The following RPS6KC1 variants were observed in gnomAD, a reference collection of about 807,000 sequenced individuals.
RPS6KC1 encodes inactive ribosomal protein S6 kinase delta-1.
RPS6KC1 carries 54 observed loss-of-function variants against 103.8 expected under a neutral mutation model. The observed-to-expected ratio is 0.52, with a 90% confidence interval of 0.42 to 0.65. RPS6KC1 has a LOEUF of 0.65. Ranked by LOEUF, RPS6KC1 falls within the 30% of genes least tolerant of loss-of-function variation. The pLI is 0.00. For synonymous variants in RPS6KC1, 439 were observed against 438.7 expected (o/e 1.00, Z -0.01); for missense variants, 1,151 against 1,253.8 (o/e 0.92, Z 1.24).
the RPS6KC1 span, among the ~76,000 whole-genome samples, chr1:213,718,106 C>T: frequency 6.6e-6 from 1 of 152,242 alleles, no homozygotes; most frequent in African/African-American, 2.4e-5. Context: ...CCCAGAGCCA[C>T]TGACCTTCAA....
At chr1:213,642,543 T>A in the RPS6KC1 span, among the ~76,000 whole-genome samples, 2 of 152,114 alleles carry the variant, frequency 1.3e-5, no homozygotes, top group Non-Finnish European at 2.9e-5. Flanking sequence ...CATTGTTTGC[T>A]TTTTTTCTTA....
At chr1:213,754,218 G>C in the RPS6KC1 span, among the ~76,000 whole-genome samples, 1 of 152,224 alleles carries the variant, frequency 6.6e-6, no homozygotes, top group Non-Finnish European at 1.5e-5. Flanking sequence ...TTGAGTTCTG[G>C]TGAGGGCTTG....
the RPS6KC1 span, among the ~76,000 whole-genome samples, chr1:213,497,733 A>G: frequency 6.6e-6 from 1 of 152,148 alleles, no homozygotes; most frequent in East Asian, 1.9e-4. Flanking sequence ...AGAAATTAAT[A>G]AATTCTGTAA....
At chr1:213,501,601 G>T in the RPS6KC1 span, among the ~76,000 whole-genome samples, 1 of 151,926 alleles carries the variant, frequency 6.6e-6, no homozygotes, top group Non-Finnish European at 1.5e-5. Context: ...TAGGTATGGT[G>T]GTGAGCACAC....
chr1:213,641,065 T>C, the RPS6KC1 span, among the ~76,000 whole-genome samples: 1 of 151,904 alleles, frequency 6.6e-6, no homozygotes, highest in Admixed American at 6.6e-5. Flanking sequence ...AATTGACACT[T>C]TTAGAAATAT....
At chr1:213,130,848 G>A (rs893478539) in intron 6 of RPS6KC1, among the ~76,000 whole-genome samples, 2 of 151,726 alleles carry the variant, frequency 1.3e-5, no homozygotes, top group Non-Finnish European at 2.9e-5. Flanking sequence ...AATTTTTGGA[G>A]AGTTTTACCA....
At chr1:213,159,598 A>G (rs1558446346) in intron 6 of RPS6KC1, among the ~76,000 whole-genome samples, 1 of 152,212 alleles carries the variant, frequency 6.6e-6, no homozygotes, top group Non-Finnish European at 1.5e-5. Context: ...AGATGTTTTT[A>G]TGTATTGTTG....
chr1:213,466,724 A>C, the RPS6KC1 span, among the ~76,000 whole-genome samples: 1 of 152,154 alleles, frequency 6.6e-6, no homozygotes, highest in East Asian at 1.9e-4. Context: ...TTAGCAATGC[A>C]GTGTCTCTGG....
chr1:213,476,758 T>A, the RPS6KC1 span, among the ~76,000 whole-genome samples: 2 of 152,216 alleles, frequency 1.3e-5, no homozygotes, highest in Admixed American at 1.3e-4. Context: ...TTCTGACTGT[T>A]GCCCTTGTGC....
chr1:213,406,533 C>G, the RPS6KC1 span, among the ~76,000 whole-genome samples: 1 of 152,284 alleles, frequency 6.6e-6, no homozygotes, highest in South Asian at 2.1e-4. Flanking sequence ...AGAGGTGGAG[C>G]TGCTCGTGTG....
chr1:213,387,799 GA>G, the RPS6KC1 span, among the ~76,000 whole-genome samples: 1 of 152,346 alleles, frequency 6.6e-6, no homozygotes, highest in East Asian at 1.9e-4. Flanking sequence ...GATTTTTACA[GA>G]TGAGGTGATT....
At chr1:213,716,792 A>G in the RPS6KC1 span, among the ~76,000 whole-genome samples, 7 of 152,174 alleles carry the variant, frequency 4.6e-5, no homozygotes, top group Admixed American at 4.6e-4. Context: ...AAAATTTTAC[A>G]CTGGGTTTTA....
At chr1:213,245,770 A>G (rs983676395) in intron 12 of RPS6KC1, among the ~76,000 whole-genome samples, 1 of 152,174 alleles carries the variant, frequency 6.6e-6, no homozygotes, top group Non-Finnish European at 1.5e-5. Context: ...AAACACACAC[A>G]CAGAAACCTG....
the RPS6KC1 span, among the ~76,000 whole-genome samples, chr1:213,304,104 G>T: frequency 3.3e-5 from 5 of 150,014 alleles, no homozygotes; most frequent in African/African-American, 1.2e-4. Context: ...TACTTGGGAG[G>T]CTGAGGCAGG....
At chr1:213,610,486 C>T in the RPS6KC1 span, among the ~76,000 whole-genome samples, 1 of 152,138 alleles carries the variant, frequency 6.6e-6, no homozygotes, top group African/African-American at 2.4e-5. Flanking sequence ...GCGGAAACCT[C>T]GACCATCAGG....
chr1:213,379,112 T>A, the RPS6KC1 span, among the ~76,000 whole-genome samples: 6 of 152,214 alleles, frequency 3.9e-5, no homozygotes, highest in African/African-American at 1.4e-4. Context: ...AGCCCTGCTT[T>A]CATTCTCTGT....
chr1:213,275,188 T>G (rs1194164141), downstream of RPS6KC1, among the ~76,000 whole-genome samples: 1 of 152,270 alleles, frequency 6.6e-6, no homozygotes, highest in African/African-American at 2.4e-5. Context: ...TTACCACATT[T>G]TGTTTAGCCA....
At chr1:213,349,434 C>T in the RPS6KC1 span, among the ~76,000 whole-genome samples, 9 of 152,144 alleles carry the variant, frequency 5.9e-5, no homozygotes, top group Admixed American at 2.0e-4. Flanking sequence ...TGATATGATA[C>T]TTGGGTGCAT....
At chr1:213,744,610 A>G in the RPS6KC1 span, among the ~76,000 whole-genome samples, 1 of 152,188 alleles carries the variant, frequency 6.6e-6, no homozygotes, top group Non-Finnish European at 1.5e-5. Context: ...GGGGAAGAGG[A>G]TGAATCCAAT....
Sources: gnomAD v4.1 joint callset for allele counts (sites outside exome capture counted in the v4.1 genomes callset) on GRCh38, gnomAD v4.1.1 for gene constraint, MANE v1.5 for transcripts, NCBI Gene and HGNC (gene_info 2026-07-23, HGNC 2026-07-21) for gene names.